The following ARHGAP45 variants were observed in gnomAD, a reference collection of about 807,000 sequenced individuals.
ARHGAP45 encodes the protein Rho GTPase activating protein 45.
A neutral mutation model predicts 116.1 loss-of-function variants in ARHGAP45; 56 were observed. The observed-to-expected ratio is 0.48, with a 90% confidence interval of 0.39 to 0.60. ARHGAP45 has a LOEUF of 0.60. Among genes scored for constraint, ARHGAP45 ranks in the 20% least tolerant of loss-of-function variants. ARHGAP45 has a pLI of 0.00. For missense variants in ARHGAP45, 1,622 were observed against 1,601.0 expected (o/e 1.01, Z -0.22); for synonymous variants, 866 against 701.7 (o/e 1.23, Z -3.70).
At chr19:1,073,827 C>A in intron 5 of ARHGAP45, 81 bp downstream of exon 5, 1 of 1,533,748 alleles carries the variant, frequency 6.5e-7, no homozygotes, top group Non-Finnish European at 8.8e-7. Context: ...CAGACAGTCA[C>A]CCTGCTTCCC....
chr19:1,083,294 C>G lies in ARHGAP45; in HGVS notation c.2896C>G (p.Leu966Val), dbSNP rs1284869856. 6.3e-7 allele frequency: 1 copy of G among 1,583,488 alleles called. No individual in the cohort carries two copies. ...YPHQARVIET[L>V]IVHYGLVFEE... is the part of the protein sequence containing the mutation. ...CCATCAGGCCCGCGTCATCGAGACT[C>G]TCATCGTCCACTACGGCCTGGTCTT... The change falls in exon 21 of 23, where the codon CTC (leucine) becomes GTC (valine). Residue 966 changes from leucine (L) to valine (V), a missense_variant. Physicochemically the swap from Leu to Val is conservative, Grantham distance 32. Around this residue, in one of 3 missense-constraint regions of ARHGAP45, gnomAD observed 1,334 missense variants for 1,263.8 expected, o/e 1.06. Coordinates refer to ENST00000313093, the MANE Select transcript of ARHGAP45 (RefSeq NM_012292.5).
intron 11 of ARHGAP45, among the ~76,000 whole-genome samples, chr19:1,078,423 A>C (rs113607072): frequency 2.0e-5 from 3 of 147,868 alleles, no homozygotes; most frequent in Non-Finnish European, 3.0e-5. Flanking sequence ...GATTATAGGC[A>C]TGAGCCACTG....
At chr19:1,078,174 T>A in intron 11 of ARHGAP45, 129 bp downstream of exon 11, 1 of 1,406,692 alleles carries the variant, frequency 7.1e-7, no homozygotes, top group East Asian at 2.5e-5. Flanking sequence ...GACGGAGTCT[T>A]GCTCTGTCGC....
Position 1,073,550 on chromosome 19 carries a change from G to A in ARHGAP45, c.610G>A (p.Glu204Lys), listed in dbSNP as rs376691391. The A allele has an allele frequency of 1.1e-5, 18 of 1,613,834 alleles. No individual in the cohort carries two copies. Among genetic ancestry groups the A allele is most frequent in the Non-Finnish European group, 1.4e-5 (17 of 1,179,982 alleles). ...CAATGATCTGGAGAAACAGGAGTTC[G>A]AGAAGGCCCTGGAGACGATTGCTGT... Reference protein sequence around the residue: ...SNNDLEKQEFEKALETIAVAF... With the variant: ...SNNDLEKQEFKKALETIAVAF... Residue 204 changes from glutamate to lysine, a missense_variant, in exon 4 of 23, where the codon GAG becomes AAG. Around this residue, in one of 3 missense-constraint regions of ARHGAP45, gnomAD observed 279 missense variants for 311.9 expected, o/e 0.89. Coordinates refer to ENST00000313093, the MANE Select transcript of ARHGAP45 (RefSeq NM_012292.5).
At chr19:1,067,729 C>T (rs1373048261) in intron 1 of ARHGAP45, 2 of 686,550 alleles carry the variant, frequency 2.9e-6, no homozygotes, top group Non-Finnish European at 2.7e-6. Context: ...GGGCTGGCCG[C>T]GGGGCCCAGG....
chr19:1,081,667 G>GC lies in ARHGAP45; in HGVS notation c.2313dup (p.Asp772ArgfsTer130). ...GGACTTCAGCCACGCGGCCCGCAGC[G>GC]CCCCCGACGGCGTGCCCTTCATCGT... On this transcript the variant is annotated frameshift_variant, in exon 18 of 23. Coordinates refer to ENST00000313093, the MANE Select transcript of ARHGAP45 (RefSeq NM_012292.5). LOFTEE classifies it high-confidence loss of function. 1 of 1,583,036 alleles carries GC rather than the reference G, an allele frequency of 6.3e-7. No individual in the cohort carries two copies. Among genetic ancestry groups the GC allele is most frequent in the Non-Finnish European group, 8.6e-7 (1 of 1,165,358 alleles).
intron 1 of ARHGAP45, 119 bp downstream of exon 1, chr19:1,067,614 C>A: frequency 9.9e-7 from 1 of 1,010,792 alleles, no homozygotes. Flanking sequence ...GCTACAGCCC[C>A]TACCGGGCGG....
chr19:1,084,338 G>T lies in ARHGAP45; in HGVS notation c.3056G>T (p.Gly1019Val), dbSNP rs370204596. ...VYPLQEAAAD[G>V]CRESRVVSND... ...CCGCTGCAGGAGGCGGCGGCGGACG[G>T]GTGCAGAGGTGAGTGTGTGGCTGCC... Residue 1019 changes from glycine to valine, a missense_variant, in exon 22 of 23, where the codon GGG becomes GTG. Transcript: ENST00000313093. The T allele has an allele frequency of 4.5e-5, 72 of 1,607,620 alleles. No individual in the cohort carries two copies. The highest frequency in any genetic ancestry group is 5.9e-5 in the Non-Finnish European group (70 of 1,177,486).
rs554717700 is a variant in ARHGAP45 at position 1,080,756 on chromosome 19, G to A, written c.1987G>A (p.Gly663Ser). The change falls in exon 16 of 23, where the codon GGT (glycine) becomes AGT (serine). Residue 663 changes from glycine to serine, a missense_variant. Around this residue, in one of 3 missense-constraint regions of ARHGAP45, gnomAD observed 1,334 missense variants for 1,263.8 expected, o/e 1.06. Coordinates refer to ENST00000313093, the MANE Select transcript of ARHGAP45 (RefSeq NM_012292.5). ...SSTEELVDPD[G>S]GAGASAFEQA... ...CACGGAGGAGCTGGTGGACCCAGAC[G>A]GTGGAGCCGGGGCTTCAGCCTTTGA... 4 of 1,613,524 alleles carry A rather than the reference G, an allele frequency of 2.5e-6. No individual in the cohort carries two copies. Among genetic ancestry groups the A allele is most frequent in the East Asian group, 2.2e-5 (1 of 44,890 alleles).
intron 17 of ARHGAP45, 127 bp downstream of exon 17, chr19:1,081,191 G>A: frequency 9.1e-7 from 1 of 1,101,158 alleles, no homozygotes; most frequent in Non-Finnish European, 1.3e-6. Flanking sequence ...CCTTTGGAAG[G>A]AAGCGAACGG....
At chr19:1,070,329 C>CTTTTTTTTTTTTTTTTTTTTTTTTTTTTT (rs1172163710) in intron 2 of ARHGAP45, among the ~76,000 whole-genome samples, 1 of 93,272 alleles carries the variant, frequency 1.1e-5, no homozygotes. Context: ...CTTTTCTTTT[C>CTTTTTTTTTTTTTTTTTTTTTTTTTTTTT]TTTTTTTTTT....
chr19:1,070,478 G>A (rs2043120014), intron 2 of ARHGAP45, among the ~76,000 whole-genome samples: 2 of 149,042 alleles, frequency 1.3e-5, no homozygotes, highest in African/African-American at 2.5e-5. Flanking sequence ...TTGCAGGGGC[G>A]CGCCACCGTG....
chr19:1,083,408 C>A, intron 21 of ARHGAP45, 55 bp downstream of exon 21: 1 of 1,434,668 alleles, frequency 7.0e-7, no homozygotes, highest in South Asian at 1.2e-5. Context: ...GAGCAGGGGG[C>A]GCTGCTGGGG....
chr19:1,074,721 G>A lies in ARHGAP45; in HGVS notation c.1101G>A (p.Met367Ile), dbSNP rs758650318. The change falls in exon 9 of 23, where the codon ATG (methionine) becomes ATA (isoleucine). Residue 367 changes from methionine to isoleucine, a missense_variant. By Grantham distance (10) the Met-to-Ile change is conservative. Transcript: ENST00000313093. ...GCACCTTGCAGACCCAGACCTTCAT[G>A]CAGGTGCGTGGTGCCCGGGAGGGCG... Reference protein sequence around the residue: ...AVGTLQTQTFMQPLTLRRLEH... With the variant: ...AVGTLQTQTFIQPLTLRRLEH... 9.3e-6 allele frequency: 15 copies of A among 1,607,032 alleles called. No individual in the cohort carries two copies. Among genetic ancestry groups the A allele is most frequent in the Non-Finnish European group, 1.2e-5 (14 of 1,177,894 alleles).
intron 8 of ARHGAP45, 54 bp from the exon 9 acceptor site, chr19:1,074,560 G>C (rs2043201000): frequency 3.4e-6 from 5 of 1,467,864 alleles, no homozygotes; most frequent in Admixed American, 2.2e-5. Flanking sequence ...GGGGGTGCTG[G>C]GGCCGCCCTG....
intron 10 of ARHGAP45, among the ~76,000 whole-genome samples, chr19:1,076,112 T>G (rs2043241883): frequency 6.6e-6 from 1 of 152,106 alleles, no homozygotes; most frequent in Non-Finnish European, 1.5e-5. Context: ...GCTGTTGCTG[T>G]TACGAACACC....
Position 1,086,084 on chromosome 19 carries a change from C to A in ARHGAP45, c.*78C>A, listed in dbSNP as rs1445496835. On this transcript the variant is annotated 3_prime_UTR_variant, in exon 23 of 23. Transcript: ENST00000313093. ...CTCCAGCACGTCCCCTGCACCACGG[C>A]ATAGCTTAGGTGCGCCGTCCTGGGG... The A allele has an allele frequency of 4.5e-6, 6 of 1,334,540 alleles. No homozygotes were observed. The African/African-American group carries it at 8.7e-5, about 19-fold the overall frequency. The allele number at this position is 1,334,540 out of a possible 1,614,324, so 82.7% of individuals were successfully genotyped here. A position where few individuals can be genotyped will look rare whatever the true frequency, so the allele number is the denominator to read the frequency against.
Position 1,077,561 on chromosome 19 carries a change from T to C in ARHGAP45, c.1186-296T>C, listed in dbSNP as rs902786722. ...ACAATGCCCGGCTAATTGTTTTAAA[T>C]TTTGGGTAGATACGGGGTTTCACTA... is the stretch of plus-strand genomic sequence containing the variant. On this transcript the variant is annotated intron_variant, in intron 10 of 22. Transcript: ENST00000313093. 6.9e-6 allele frequency: 8 copies of C among 1,158,326 alleles called. No homozygotes were observed. The Admixed American group carries it at 2.5e-4, about 37-fold the overall frequency. 71.8% of individuals were successfully genotyped at this position (1,158,326 alleles called of 1,614,324 possible).
chr19:1,076,061 G>A (rs1211608670), intron 10 of ARHGAP45, among the ~76,000 whole-genome samples: 1 of 152,186 alleles, frequency 6.6e-6, no homozygotes, highest in Non-Finnish European at 1.5e-5. Context: ...CAGCTGAGGA[G>A]ATTGAGTAGG....
Sources: allele counts gnomAD v4.1 joint callset (sites outside exome capture counted in the v4.1 genomes callset), GRCh38; gene constraint gnomAD v4.1.1; regional missense constraint gnomAD v4.1.1; transcripts MANE v1.5; gene names NCBI Gene and HGNC (gene_info 2026-07-23, HGNC 2026-07-21).